Variants in AP2A2 observed in about 807,000 individuals in gnomAD.
AP2A2 encodes the protein AP-2 complex subunit alpha-2.
AP2A2 carries 32 observed loss-of-function variants against 104.2 expected under a neutral mutation model. The ratio of observed to expected loss-of-function variants is 0.31; its 90% CI spans 0.23 to 0.41. AP2A2 has a LOEUF of 0.41. AP2A2 is among the 10% of genes least tolerant of loss of function. AP2A2 has a pLI of 1.00. For synonymous variants in AP2A2, 539 were observed against 533.3 expected, an observed-to-expected ratio of 1.01 and a Z score of -0.15; for missense variants, 912 against 1,261.0, an observed-to-expected ratio of 0.72 and a Z score of 4.19.
chr11:984,084 C>T lies in AP2A2; in HGVS notation c.706-561C>T, dbSNP rs373006022. Among the ~76,000 whole-genome samples, 180 of 152,306 alleles carry T rather than the reference C, an allele frequency of 1.2e-3. 1 individual carries two copies. Among genetic ancestry groups the T allele is most frequent in the African/African-American group, 3.9e-3 (160 of 41,558 alleles). On this transcript the variant is annotated intron_variant, in intron 6 of 21. Coordinates refer to ENST00000448903, the MANE Select transcript of AP2A2 (RefSeq NM_012305.4). ...CTGACCTCCGGGAAACAGGAGACAT[C>T]GGGCTGTATGTCAGTGGAAATGCGA...
rs751414009 is a variant in AP2A2 at position 1,011,261 on chromosome 11, G to A, written c.*636G>A. ...TTCCCAGCTCCTGTTTGTGAAGGGC[G>A]TCTGTTATGCTCCTGCAGTCGCCGA... is the stretch of plus-strand genomic sequence containing the variant. On this transcript the variant is annotated 3_prime_UTR_variant, in exon 22 of 22. Coordinates refer to ENST00000448903, the MANE Select transcript of AP2A2 (RefSeq NM_012305.4). 3 of 519,070 alleles carry A rather than the reference G, an allele frequency of 5.8e-6. No homozygotes were observed. The highest frequency in any genetic ancestry group is 5.4e-5 in the East Asian group (1 of 18,372). The allele number at this position is 519,070 out of a possible 1,614,324, so 32.2% of individuals were successfully genotyped here.
chr11:995,455 T>G, intron 14 of AP2A2: 1 of 455,522 alleles, frequency 2.2e-6, no homozygotes, highest in Non-Finnish European at 4.4e-6. Flanking sequence ...GTTTGTCCAG[T>G]TAGAGGACCT....
At chr11:1,003,886 T>TA in intron 16 of AP2A2, 82 bp downstream of exon 16, 1 of 898,168 alleles carries the variant, frequency 1.1e-6, no homozygotes, top group Non-Finnish European at 1.7e-6. Context: ...CATATACTTA[T>TA]AAGGGATAGA....
chr11:968,760 G>A lies in AP2A2; in HGVS notation c.137-1409G>A, dbSNP rs1854712332. On this transcript the variant is annotated intron_variant, in intron 2 of 21. Transcript: ENST00000448903. The surrounding 1 kb of genome is among the most constrained non-coding windows in gnomAD (Gnocchi z 4.2). ...GAACGTGTCTGCTGGGACCCCTTGG[G>A]CACAGCAAGCAGATAAGTGGGTCGG... is the stretch of plus-strand genomic sequence containing the variant. Among the ~76,000 whole-genome samples, 1 of 151,452 alleles carries A rather than the reference G, an allele frequency of 6.6e-6. No individual in the cohort carries two copies. The highest frequency in any genetic ancestry group is 6.6e-5 in the Admixed American group (1 of 15,200).
rs981475096 is a variant in AP2A2, at chr11:992,390, T to C, written c.1270-113T>C. On this transcript the variant is annotated intron_variant, in intron 10 of 21. Transcript: ENST00000448903. This position sits in a 1 kb window ranked among gnomAD's most constrained non-coding sequence, Gnocchi z 6.4. ...CAAGCTTCCTCCATGTCCCAAACTT[T>C]TGTAGACACATTGAGGTGCTTCTGA... The C allele has an allele frequency of 5.3e-6, 6 of 1,134,770 alleles. No homozygotes were observed. In the East Asian group the frequency reaches 1.3e-4, roughly 24 times the overall value. The allele number at this position is 1,134,770 out of a possible 1,614,324, so 70.3% of individuals were successfully genotyped here.
At chr11:983,675 A>G (rs144048270) in intron 6 of AP2A2, among the ~76,000 whole-genome samples, 2,290 of 152,130 alleles carry the variant, frequency 0.015, 42 homozygotes, top group African/African-American at 0.044. Flanking sequence ...GAGCCACCGC[A>G]CCTGGCCTAG....
At chr11:959,631 A>T in intron 2 of AP2A2, 126 bp downstream of exon 2, 1 of 681,354 alleles carries the variant, frequency 1.5e-6, no homozygotes, top group Non-Finnish European at 2.5e-6. Flanking sequence ...TACAGTTTCT[A>T]TCAGGGCCCT....
At chr11:976,247 G>C (rs1462470076) in intron 4 of AP2A2, among the ~76,000 whole-genome samples, 1 of 152,220 alleles carries the variant, frequency 6.6e-6, no homozygotes, top group Admixed American at 6.5e-5. Flanking sequence ...TTGCAGGGGC[G>C]TTGGCACCCA....
chr11:988,994 T>TAA (rs888444512), intron 10 of AP2A2, among the ~76,000 whole-genome samples: 1 of 151,188 alleles, frequency 6.6e-6, no homozygotes, highest in East Asian at 1.9e-4. Flanking sequence ...GACCCTGTCT[T>TAA]AAAAAAAAAT....
intron 3 of AP2A2, 127 bp downstream of exon 3, chr11:970,438 G>A: frequency 1.6e-6 from 2 of 1,239,094 alleles, no homozygotes; most frequent in Non-Finnish European, 2.2e-6. Context: ...TGGGTCTGCT[G>A]CAGATGGAGA....
intron 1 of AP2A2, among the ~76,000 whole-genome samples, chr11:936,134 C>T (rs758630674): frequency 6.7e-6 from 1 of 149,478 alleles, no homozygotes; most frequent in Non-Finnish European, 1.5e-5. Flanking sequence ...GTCTCTATCT[C>T]CTGACCTCGT....
intron 17 of AP2A2, 140 bp downstream of exon 17, chr11:1,006,757 G>A (rs1279365612): frequency 2.4e-5 from 16 of 663,796 alleles, no homozygotes; most frequent in East Asian, 5.3e-5. Context: ...TCAGGCAGTC[G>A]TAATCTGCCT....
At chr11:998,097 GGGCGCTGTCCCC>G (rs1855913048) in intron 14 of AP2A2, among the ~76,000 whole-genome samples, 2 of 152,222 alleles carry the variant, frequency 1.3e-5, no homozygotes, top group African/African-American at 4.8e-5. Flanking sequence ...CAGTGTTGGC[GGGCGCTGTCCCC>G]GGCGTAGGGA....
chr11:949,109 C>CTACT (rs1482471333), intron 1 of AP2A2, among the ~76,000 whole-genome samples: 1 of 151,518 alleles, frequency 6.6e-6, no homozygotes, highest in Non-Finnish European at 1.5e-5. Flanking sequence ...GCCAACATCT[C>CTACT]TACTAAAAAT....
At chr11:955,329 G>A (rs763684911) in intron 1 of AP2A2, among the ~76,000 whole-genome samples, 19 of 152,216 alleles carry the variant, frequency 1.2e-4, no homozygotes, top group Non-Finnish European at 2.5e-4. Flanking sequence ...CACTGTTTTC[G>A]TGACTCTTTC....
chr11:983,373 T>C (rs1282785493), intron 6 of AP2A2, among the ~76,000 whole-genome samples: 3 of 262 alleles, frequency 0.011, no homozygotes, highest in African/African-American at 0.034. Flanking sequence ...CTTTTTATTA[T>C]TTATTTATTT....
chr11:933,717 G>C, intron 1 of AP2A2: 1 of 451,488 alleles, frequency 2.2e-6, no homozygotes, highest in Non-Finnish European at 4.5e-6. Context: ...GAGTTCCAGT[G>C]ACTCGTGGGC....
At chr11:930,695 T>C (rs574079627) in intron 1 of AP2A2, among the ~76,000 whole-genome samples, 25 of 152,256 alleles carry the variant, frequency 1.6e-4, no homozygotes, top group Non-Finnish European at 3.2e-4. Flanking sequence ...TAATTTTTTG[T>C]ATTTTTAGTA....
At chr11:984,830 T>A in intron 7 of AP2A2, 77 bp downstream of exon 7, 1 of 1,275,170 alleles carries the variant, frequency 7.8e-7, no homozygotes, top group Non-Finnish European at 1.1e-6. Context: ...GTGGTTTGTT[T>A]GTTATTTTAA....
Sources: gnomAD v4.1 joint callset for allele counts (sites outside exome capture counted in the v4.1 genomes callset) on GRCh38, gnomAD v4.1.1 for gene constraint, Gnocchi (gnomAD v3.1) non-coding constraint, MANE v1.5 for transcripts, NCBI Gene and HGNC (gene_info 2026-07-23, HGNC 2026-07-21) for gene names.